DNAH7: variants seen among roughly 807,000 people sequenced by gnomAD.
DNAH7 encodes dynein axonemal heavy chain 7.
A neutral mutation model predicts 444.6 loss-of-function variants in DNAH7; 397 were observed. The ratio of observed to expected loss-of-function variants is 0.89; its 90% CI spans 0.82 to 0.97. The LOEUF is 0.97. DNAH7 is among the 50% of genes least tolerant of loss of function. The pLI, the probability that DNAH7 is intolerant of heterozygous loss-of-function variation, is 0.00. For missense variants in DNAH7, 4,902 were observed against 4,800.8 expected, an observed-to-expected ratio of 1.02 and a Z score of -0.62; for synonymous variants, 1,636 against 1,624.4, an observed-to-expected ratio of 1.01 and a Z score of -0.17.
intron 9 of DNAH7, among the ~76,000 whole-genome samples, chr2:196,015,532 A>G (rs1694967156): frequency 6.6e-6 from 1 of 152,144 alleles, no homozygotes; most frequent in South Asian, 2.1e-4. Context: ...TATACGCATT[A>G]TTTTACAAGC....
chr2:195,970,152 A>C, intron 16 of DNAH7, 58 bp from the exon 17 acceptor site: 1 of 1,495,470 alleles, frequency 6.7e-7, no homozygotes, highest in Non-Finnish European at 9.0e-7. Flanking sequence ...TGCTGTCAAA[A>C]AATTTTAACA....
At position 195,872,925 on chromosome 2, in the gene DNAH7, G is replaced by C. The variant is rs571702314; in HGVS notation, c.6414-456C>G. ...AAATTAAAATACGTAAAAAAAATAA[G>C]GAAAAGAGAAAAAAAGGAAAGTAAA... is the stretch of plus-strand genomic sequence containing the variant. On this transcript the variant is annotated intron_variant, in intron 39 of 64. Coordinates refer to ENST00000312428, the MANE Select transcript of DNAH7 (RefSeq NM_018897.3). 2.5e-4 allele frequency among the ~76,000 whole-genome samples: 37 copies of C among 150,894 alleles called. No homozygotes were observed. In the South Asian group the frequency reaches 7.1e-3, roughly 29 times the overall value.
chr2:195,813,471 C>T (rs1172171903), intron 51 of DNAH7, among the ~76,000 whole-genome samples: 2 of 152,166 alleles, frequency 1.3e-5, no homozygotes, highest in African/African-American at 2.4e-5. Flanking sequence ...GCCCACTTGT[C>T]TCCAAAGTGC....
intron 59 of DNAH7, among the ~76,000 whole-genome samples, chr2:195,776,443 C>CAAAA (rs987304901): frequency 2.4e-5 from 3 of 125,818 alleles, no homozygotes; most frequent in East Asian, 4.6e-4. Flanking sequence ...AACTCCATCT[C>CAAAA]AAAAAAAAAG....
Position 195,872,385 on chromosome 2 carries a change from A to G in DNAH7, c.6498T>C (p.Asn2166=). ...GAGATTTAGCTGGAGTAGGCAAGAG[A>G]TTCTTCATTGCTTCTTTATACAGAG... The part of the protein sequence containing the change: ...TMTLYKEAMK[N]LLPTPAKSHY... The change falls in exon 40 of 65, where the codon AAT becomes AAC. Residue 2166 remains asparagine (N), a synonymous_variant. Coordinates refer to ENST00000312428, the MANE Select transcript of DNAH7 (RefSeq NM_018897.3). The G allele has an allele frequency of 6.2e-7, 1 of 1,613,980 alleles. No individual in the cohort carries two copies. The highest frequency in any genetic ancestry group is 8.5e-7 in the Non-Finnish European group (1 of 1,179,894).
At chr2:195,788,579 CA>C (rs910703917) in intron 57 of DNAH7, among the ~76,000 whole-genome samples, 1 of 150,178 alleles carries the variant, frequency 6.7e-6, no homozygotes, top group African/African-American at 2.4e-5. Context: ...GAGTGGGAGA[CA>C]AAAAAAAAGT....
At chr2:195,843,735 T>C (rs1698819217) in intron 47 of DNAH7, among the ~76,000 whole-genome samples, 1 of 152,220 alleles carries the variant, frequency 6.6e-6, no homozygotes, top group Non-Finnish European at 1.5e-5. Flanking sequence ...GAAATCCATA[T>C]GTCAGGATAA....
chr2:195,884,462 T>C (rs1381100513), intron 35 of DNAH7, 123 bp downstream of exon 35: 6 of 718,946 alleles, frequency 8.3e-6, no homozygotes, highest in Non-Finnish European at 1.4e-5. Flanking sequence ...TCTTCCTCTA[T>C]TCTATGCTGT....
chr2:196,046,112 A>G (rs1697106877), intron 5 of DNAH7, among the ~76,000 whole-genome samples: 1 of 152,202 alleles, frequency 6.6e-6, no homozygotes, highest in African/African-American at 2.4e-5. Context: ...TGGATAGTAT[A>G]TCACAAAGCT....
chr2:195,816,859 G>T lies in DNAH7; in HGVS notation c.9530C>A (p.Ala3177Asp). The T allele has an allele frequency of 1.2e-6, 2 of 1,614,082 alleles. No homozygotes were observed. Among genetic ancestry groups the T allele is most frequent in the Non-Finnish European group, 1.7e-6 (2 of 1,179,968 alleles). The change falls in exon 51 of 65, where the codon GCC becomes GAC. Residue 3177 changes from alanine to aspartate, a missense_variant. Physicochemically the swap from Ala to Asp is moderately radical, Grantham distance 126. Transcript: ENST00000312428. Reference sequence around the variant, plus strand: ...CTTCTGAGAAATCTCATTAGCCAAGGCCTTGGAGGAAGATAATATCTTAAT... The same window carrying T: ...CTTCTGAGAAATCTCATTAGCCAAGTCCTTGGAGGAAGATAATATCTTAAT... ...TAIKILSSSK[A>D]LANEISQKQE...
chr2:196,054,820 C>T (rs1697702834), intron 2 of DNAH7, among the ~76,000 whole-genome samples: 1 of 152,166 alleles, frequency 6.6e-6, no homozygotes, highest in African/African-American at 2.4e-5. Context: ...TTCCCCTTCA[C>T]TTGGCTCTCA....
In DNAH7 at chr2:195,738,040, C is replaced by T. The variant is rs374587789; in HGVS notation, c.11956G>A (p.Val3986Ile). The change falls in exon 65 of 65, where the codon GTA (valine) becomes ATA (isoleucine). Residue 3986 changes from valine to isoleucine, a missense_variant. By Grantham distance (29) the Val-to-Ile change is conservative (BLOSUM62 3). Coordinates refer to ENST00000312428, the MANE Select transcript of DNAH7 (RefSeq NM_018897.3). ...GTGGAATGGCCAGTGGTGGATAATA[C>T]TCCTCTCCGCTCACTTGTCTTATAC... The part of the protein sequence containing the change: ...PLYKTSERRG[V>I]LSTTGHSTNF... 2 of 1,613,890 alleles carry T rather than the reference C, an allele frequency of 1.2e-6. No individual in the cohort carries two copies. Among genetic ancestry groups the T allele is most frequent in the African/African-American group, 1.3e-5 (1 of 74,900 alleles).
chr2:195,939,908 G>T (rs1377638534), intron 19 of DNAH7, among the ~76,000 whole-genome samples: 1 of 152,132 alleles, frequency 6.6e-6, no homozygotes, highest in African/African-American at 2.4e-5. Context: ...CCATGCTCAT[G>T]GATAGGAAGG....
At chr2:195,939,769 T>C (rs1306725784) in intron 19 of DNAH7, among the ~76,000 whole-genome samples, 1 of 152,122 alleles carries the variant, frequency 6.6e-6, no homozygotes, top group East Asian at 1.9e-4. Flanking sequence ...ATGAATGTGA[T>C]ATCAGGGGCC....
intron 57 of DNAH7, among the ~76,000 whole-genome samples, chr2:195,789,012 C>G (rs1695751628): frequency 6.6e-6 from 1 of 152,134 alleles, no homozygotes; most frequent in Non-Finnish European, 1.5e-5. Flanking sequence ...AACACCCAAA[C>G]CATGCTCTCT....
intron 41 of DNAH7, 28 bp downstream of exon 41, chr2:195,864,121 A>G: frequency 6.3e-7 from 1 of 1,594,166 alleles, no homozygotes; most frequent in Non-Finnish European, 8.6e-7. Flanking sequence ...CATTTCTAGA[A>G]GTCTATCTAA....
chr2:195,901,035 T>C (rs1332310123), intron 27 of DNAH7: 1 of 152,216 alleles, frequency 6.6e-6, no homozygotes, highest in African/African-American at 2.4e-5. Flanking sequence ...CTTTATTTCA[T>C]AATGTTATGA....
intron 57 of DNAH7, among the ~76,000 whole-genome samples, chr2:195,792,166 CAA>C (rs34983984): frequency 1.8e-5 from 1 of 54,474 alleles, no homozygotes; most frequent in African/African-American, 8.5e-5. Context: ...GACCCTGTCT[CAA>C]AAAAAAAAAA....
At chr2:195,885,667 GTTTA>G (rs1257440809) in intron 34 of DNAH7, among the ~76,000 whole-genome samples, 2 of 151,932 alleles carry the variant, frequency 1.3e-5, no homozygotes, top group Non-Finnish European at 2.9e-5. Flanking sequence ...TTAAAAATTG[GTTTA>G]TTTATTACCT....
Sources: gnomAD v4.1 joint callset for allele counts (sites outside exome capture counted in the v4.1 genomes callset) on GRCh38, gnomAD v4.1.1 for gene constraint, MANE v1.5 for transcripts, NCBI Gene and HGNC (gene_info 2026-07-23, HGNC 2026-07-21) for gene names.